FGF14: variants seen among roughly 807,000 people sequenced by gnomAD.
FGF14 encodes fibroblast growth factor homologous factor 4.
FGF14 carries 5 observed loss-of-function variants against 25.5 expected under a neutral mutation model. The observed-to-expected ratio is 0.20, with a 90% CI of 0.10 to 0.41. The LOEUF is 0.41. FGF14 is among the 10% of genes least tolerant of loss of function. FGF14 has a pLI of 1.00. For missense variants in FGF14, 222 were observed against 320.1 expected, an observed-to-expected ratio of 0.69 and a Z score of 2.34; for synonymous variants, 138 against 118.3, an observed-to-expected ratio of 1.17 and a Z score of -1.08.
At chr13:102,279,314 C>A (rs1328029799) in intron 1 of FGF14, among the ~76,000 whole-genome samples, 1 of 152,022 alleles carries the variant, frequency 6.6e-6, no homozygotes, top group Non-Finnish European at 1.5e-5. Context: ...TTGGTAGGTA[C>A]CATCATACAT....
chr13:101,949,684 AAAG>A (rs1358905035), intron 1 of FGF14, among the ~76,000 whole-genome samples: 1 of 152,220 alleles, frequency 6.6e-6, no homozygotes, highest in East Asian at 1.9e-4. Context: ...AAAAAGAGCT[AAAG>A]AAGAGTTAGT....
intron 3 of FGF14, among the ~76,000 whole-genome samples, chr13:101,792,293 C>G (rs1025020466): frequency 6.6e-6 from 1 of 152,114 alleles, no homozygotes; most frequent in Admixed American, 6.6e-5. Context: ...CCAAACACCA[C>G]CATTGCTTTG....
intron 1 of FGF14, among the ~76,000 whole-genome samples, chr13:102,368,964 A>T (rs2057795334): frequency 6.6e-6 from 1 of 152,206 alleles, no homozygotes; most frequent in African/African-American, 2.4e-5. Flanking sequence ...TCCTGTGCCA[A>T]GTCATTACAC....
At chr13:101,736,023 G>A (rs2036162197) in intron 3 of FGF14, among the ~76,000 whole-genome samples, 1 of 152,170 alleles carries the variant, frequency 6.6e-6, no homozygotes. Context: ...ACAGTAATAT[G>A]CAAAACGTTT....
At chr13:101,975,935 T>C (rs1274913584) in intron 1 of FGF14, among the ~76,000 whole-genome samples, 4 of 152,182 alleles carry the variant, frequency 2.6e-5, no homozygotes, top group Non-Finnish European at 4.4e-5. Flanking sequence ...AAGAGGGCCG[T>C]TGGGCCTACC....
intron 1 of FGF14, among the ~76,000 whole-genome samples, chr13:102,376,180 G>C (rs1057239823): frequency 6.6e-6 from 1 of 152,082 alleles, no homozygotes; most frequent in Non-Finnish European, 1.5e-5. Flanking sequence ...GAATCTGGGG[G>C]CAGTTTTCCC....
At chr13:102,045,464 T>C (rs1421889922) in intron 1 of FGF14, among the ~76,000 whole-genome samples, 4 of 152,064 alleles carry the variant, frequency 2.6e-5, no homozygotes, top group Admixed American at 6.6e-5. Flanking sequence ...AGGTAACATA[T>C]AAAGAAACCA....
chr13:102,059,714 G>A (rs1462083686), intron 1 of FGF14, among the ~76,000 whole-genome samples: 1 of 152,050 alleles, frequency 6.6e-6, no homozygotes, highest in Non-Finnish European at 1.5e-5. Context: ...AGCCAGGCGT[G>A]GTTCTGCACG....
intron 1 of FGF14, among the ~76,000 whole-genome samples, chr13:102,122,693 A>G (rs75779521): frequency 0.013 from 1,948 of 152,336 alleles, 41 homozygotes; most frequent in African/African-American, 0.045. Flanking sequence ...CTCTAGCAGG[A>G]AAATGAACAG....
chr13:102,189,061 AAAG>A (rs1289759584), intron 1 of FGF14, among the ~76,000 whole-genome samples: 7 of 145,408 alleles, frequency 4.8e-5, no homozygotes, highest in South Asian at 2.1e-4. Context: ...TGAAAGAAGA[AAAG>A]AAAGAAAGAA....
intron 1 of FGF14, among the ~76,000 whole-genome samples, chr13:102,352,743 C>T (rs919127708): frequency 2.7e-5 from 4 of 145,816 alleles, no homozygotes; most frequent in Admixed American, 7.1e-5. Context: ...ACCCAGGAGG[C>T]GGAGCTTGCA....
chr13:102,377,125 A>G (rs919533497), intron 1 of FGF14, among the ~76,000 whole-genome samples: 9 of 152,136 alleles, frequency 5.9e-5, no homozygotes, highest in Non-Finnish European at 8.8e-5. Context: ...TGAATGACAG[A>G]GCACAAAGTA....
chr13:101,920,882 G>T (rs1330959781), upstream of FGF14, among the ~76,000 whole-genome samples: 8 of 152,066 alleles, frequency 5.3e-5, no homozygotes, highest in Non-Finnish European at 1.0e-4. Flanking sequence ...TATGATGAGG[G>T]TCTATGAGAA....
intron 1 of FGF14, among the ~76,000 whole-genome samples, chr13:102,331,527 T>A (rs138240326): frequency 6.6e-6 from 1 of 152,288 alleles, no homozygotes; most frequent in African/African-American, 2.4e-5. Flanking sequence ...CCCACAATGA[T>A]GTGAAGAGAC....
chr13:101,715,518 C>T lies in FGF14; in HGVS notation c.*7313G>A. 1 of 1,336,604 alleles carries T rather than the reference C, an allele frequency of 7.5e-7. No homozygotes were observed. The highest frequency in any genetic ancestry group is 1.2e-5 in the South Asian group (1 of 84,874). 82.8% of individuals were successfully genotyped at this position (1,336,604 alleles called of 1,614,324 possible). On this transcript the variant is annotated 3_prime_UTR_variant, in exon 5 of 5. Transcript: ENST00000376143. ...TTTATAATAGCATGTTTAAATTTGG[C>T]ACATTTTGATCATAATCATGATACC...
At chr13:102,401,883 G>C (rs1347615108), upstream of FGF14, 2 of 606,552 alleles carry the variant, frequency 3.3e-6, no homozygotes, top group Non-Finnish European at 5.8e-6. Context: ...GATCCCAACT[G>C]AGATCAAAAC....
chr13:102,103,413 T>A (rs1489334517), intron 1 of FGF14, among the ~76,000 whole-genome samples: 2 of 152,130 alleles, frequency 1.3e-5, no homozygotes, highest in Non-Finnish European at 2.9e-5. Context: ...GATGGTACTC[T>A]GATACTCTGC....
rs904530789 is a variant in FGF14 at position 101,882,543 on chromosome 13, A to G, written c.194-7247T>C. Among the ~76,000 whole-genome samples, 14 of 135,578 alleles carry G rather than the reference A, an allele frequency of 1.0e-4. No homozygotes were observed. The East Asian group carries it at 3.0e-3, about 29-fold the overall frequency. 88.9% of individuals were successfully genotyped at this position (135,578 alleles called of 152,430 possible). A position where few individuals can be genotyped will look rare whatever the true frequency, so the allele number is the denominator to read the frequency against. On this transcript the variant is annotated intron_variant, in intron 1 of 4. Transcript: ENST00000376143. ...TGGGAACTTTGTCTGAAAAAAATAT[A>G]TTTTCTGTTTTTTTTTTTTATACAT...
At chr13:101,854,814 T>G (rs113344437) in intron 3 of FGF14, among the ~76,000 whole-genome samples, 278 of 152,148 alleles carry the variant, frequency 1.8e-3, no homozygotes, top group Non-Finnish European at 3.0e-3. Flanking sequence ...CATTTGCCTT[T>G]GAAGAGTTAA....
Sources: gnomAD v4.1 joint callset for allele counts (sites outside exome capture counted in the v4.1 genomes callset) on GRCh38, gnomAD v4.1.1 for gene constraint, MANE v1.5 for transcripts, NCBI Gene and HGNC (gene_info 2026-07-23, HGNC 2026-07-21) for gene names.